GRID1: variants seen among roughly 807,000 people sequenced by gnomAD.
GRID1 encodes glutamate ionotropic receptor delta type subunit 1.
Under a neutral mutation model 98.0 loss-of-function variants are expected in GRID1, and 28 were observed. The ratio of observed to expected loss-of-function variants is 0.29; its 90% CI spans 0.21 to 0.39. The LOEUF (loss-of-function observed/expected upper bound fraction) is 0.39. Ranked by LOEUF, GRID1 falls within the 10% of genes least tolerant of loss-of-function variation. GRID1 has a pLI of 1.00. For synonymous variants in GRID1, 553 were observed against 538.5 expected, an observed-to-expected ratio of 1.03 and a Z score of -0.37; for missense variants, 1,111 against 1,340.5, an observed-to-expected ratio of 0.83 and a Z score of 2.67.
At chr10:86,239,462 T>C (rs1198664948) in intron 2 of GRID1, among the ~76,000 whole-genome samples, 3 of 152,214 alleles carry the variant, frequency 2.0e-5, no homozygotes, top group Non-Finnish European at 2.9e-5. Context: ...GAAGGGTTGA[T>C]TGTATTTTGC....
intron 4 of GRID1, among the ~76,000 whole-genome samples, chr10:85,944,516 A>G (rs1842031338): frequency 6.6e-6 from 1 of 152,236 alleles, no homozygotes; most frequent in Non-Finnish European, 1.5e-5. Context: ...GAAAATACAT[A>G]TAGCCTTTGA....
intron 2 of GRID1, among the ~76,000 whole-genome samples, chr10:86,344,450 C>T (rs1386766058): frequency 1.3e-5 from 2 of 152,204 alleles, no homozygotes; most frequent in African/African-American, 4.8e-5. Flanking sequence ...GCCTTCCCCC[C>T]AGCCAAGACT....
At chr10:85,624,970 A>G (rs1383924383) in intron 13 of GRID1, among the ~76,000 whole-genome samples, 1 of 152,216 alleles carries the variant, frequency 6.6e-6, no homozygotes, top group African/African-American at 2.4e-5. Context: ...AACAGATAGT[A>G]ATATAAAGAC....
At chr10:86,333,982 C>G (rs953327311) in intron 2 of GRID1, among the ~76,000 whole-genome samples, 2 of 152,160 alleles carry the variant, frequency 1.3e-5, no homozygotes, top group African/African-American at 4.8e-5. Flanking sequence ...AACCCACTAG[C>G]ACTAGATGCC....
intron 10 of GRID1, among the ~76,000 whole-genome samples, chr10:85,726,931 A>T (rs187860596): frequency 6.6e-6 from 1 of 152,352 alleles, no homozygotes; most frequent in African/African-American, 2.4e-5. Context: ...TTATCACAGT[A>T]AAGGTGTTTC....
chr10:86,308,349 G>A (rs1847787459), intron 2 of GRID1, among the ~76,000 whole-genome samples: 1 of 152,240 alleles, frequency 6.6e-6, no homozygotes, highest in Non-Finnish European at 1.5e-5. Context: ...CCCAGCCCCA[G>A]AGCCACTTCC....
intron 4 of GRID1, among the ~76,000 whole-genome samples, chr10:85,949,719 T>G (rs1171276411): frequency 6.6e-6 from 1 of 152,170 alleles, no homozygotes; most frequent in Non-Finnish European, 1.5e-5. Flanking sequence ...GAATAATCAC[T>G]GAGAGATAAT....
At chr10:86,135,724 C>T (rs1031077608) in intron 4 of GRID1, among the ~76,000 whole-genome samples, 9 of 151,854 alleles carry the variant, frequency 5.9e-5, no homozygotes, top group Non-Finnish European at 5.9e-5. Flanking sequence ...CTGCAGGCCC[C>T]GACAGCAGAG....
chr10:85,904,224 C>T (rs1357688113), intron 5 of GRID1, among the ~76,000 whole-genome samples: 1 of 152,020 alleles, frequency 6.6e-6, no homozygotes, highest in Non-Finnish European at 1.5e-5. Context: ...CCTGAAATAA[C>T]CAAAAAGACT....
In GRID1 at chr10:85,783,245, A is replaced by G. The variant is rs78286732; in HGVS notation, c.1234-53631T>C. 5.4e-3 allele frequency among the ~76,000 whole-genome samples: 825 copies of G among 152,334 alleles called. 10 individuals are homozygous for G. Among genetic ancestry groups the G allele is most frequent in the African/African-American group, 0.018 (748 of 41,574 alleles). On this transcript the variant is annotated intron_variant, in intron 8 of 15. Transcript: ENST00000327946. ...ACAGCATCGCTAGCAGCACCCTTGC[A>G]ATGAAGGCGACAAGAAGCTTCCCAG...
rs554796376 is a variant in GRID1, at chr10:85,848,908, T to C, written c.1233+5588A>G. ...AATACACTGGAAGAATGTTAATCCA[T>C]GAAGAGACTCAAGTTTATTTCTCTT... On this transcript the variant is annotated intron_variant, in intron 8 of 15. Transcript: ENST00000327946. Among the ~76,000 whole-genome samples the C allele has an allele frequency of 5.9e-5, 9 of 152,344 alleles. No homozygotes were observed. In the South Asian group the frequency reaches 1.9e-3, roughly 32 times the overall value.
intron 4 of GRID1, among the ~76,000 whole-genome samples, chr10:85,938,934 A>T (rs1341771824): frequency 1.3e-5 from 2 of 152,260 alleles, no homozygotes; most frequent in South Asian, 2.1e-4. Flanking sequence ...TTTCTTCAAA[A>T]TAAATTAATC....
intron 2 of GRID1, among the ~76,000 whole-genome samples, chr10:86,338,578 G>A (rs974108160): frequency 6.6e-6 from 1 of 152,146 alleles, no homozygotes; most frequent in Non-Finnish European, 1.5e-5. Flanking sequence ...CCCAGGGGAG[G>A]GGGGAGTCTC....
chr10:86,165,811 G>T (rs182612552), intron 3 of GRID1, among the ~76,000 whole-genome samples: 1 of 152,114 alleles, frequency 6.6e-6, no homozygotes, highest in East Asian at 1.9e-4. Flanking sequence ...AGGGCAAGAC[G>T]GCGCTGTGAG....
At chr10:85,714,984 C>T (rs568956738) in intron 12 of GRID1, among the ~76,000 whole-genome samples, 28 of 151,954 alleles carry the variant, frequency 1.8e-4, no homozygotes, top group Admixed American at 5.9e-4. Flanking sequence ...TACCTGATTT[C>T]GAAATACAGT....
chr10:85,881,939 C>T (rs557829460), intron 5 of GRID1, among the ~76,000 whole-genome samples: 1 of 152,194 alleles, frequency 6.6e-6, no homozygotes, highest in South Asian at 2.1e-4. Context: ...AAAAAACAAA[C>T]AACCCCATCA....
chr10:85,656,106 G>A (rs1276736628), intron 12 of GRID1, among the ~76,000 whole-genome samples: 1 of 152,018 alleles, frequency 6.6e-6, no homozygotes, highest in Admixed American at 6.5e-5. Context: ...TCAGGAACCT[G>A]GCTTACTCCA....
intron 3 of GRID1, among the ~76,000 whole-genome samples, chr10:86,202,992 T>A (rs1033584187): frequency 6.6e-6 from 1 of 152,234 alleles, no homozygotes; most frequent in Non-Finnish European, 1.5e-5. Flanking sequence ...AGAAATAGGA[T>A]GATGCCTTGG....
chr10:86,104,834 T>G (rs185641830), intron 4 of GRID1, among the ~76,000 whole-genome samples: 1 of 152,334 alleles, frequency 6.6e-6, no homozygotes, highest in African/African-American at 2.4e-5. Flanking sequence ...GACAGTGCAC[T>G]GGACCTTCAT....
Sources: allele counts gnomAD v4.1 joint callset (sites outside exome capture counted in the v4.1 genomes callset), GRCh38; gene constraint gnomAD v4.1.1; transcripts MANE v1.5; gene names NCBI Gene and HGNC (gene_info 2026-07-23, HGNC 2026-07-21).